Variants in FBXW2 observed in about 807,000 individuals in gnomAD.
FBXW2 encodes F-box/WD repeat-containing protein 2.
In FBXW2, 12 loss-of-function variants were observed where a neutral mutation model predicts 46.0. That is an observed-to-expected ratio of 0.26 (90% CI 0.17 to 0.42). The LOEUF is 0.42. Ranked by LOEUF, FBXW2 falls within the 10% of genes least tolerant of loss-of-function variation. The pLI, the probability that FBXW2 is intolerant of heterozygous loss-of-function variation, is 1.00. For synonymous variants in FBXW2, 203 were observed against 209.6 expected (o/e 0.97, Z 0.27); for missense variants, 360 against 537.0 (o/e 0.67, Z 3.26).
intron 7 of FBXW2, among the ~76,000 whole-genome samples, chr9:120,767,988 C>G (rs748004215): frequency 6.6e-6 from 1 of 152,248 alleles, no homozygotes; most frequent in Non-Finnish European, 1.5e-5. Flanking sequence ...GTTAACCTCA[C>G]ATACAACCTG....
intron 6 of FBXW2, among the ~76,000 whole-genome samples, chr9:120,771,924 T>G (rs1327389563): frequency 6.6e-6 from 1 of 151,682 alleles, no homozygotes; most frequent in Non-Finnish European, 1.5e-5. Flanking sequence ...CCAGGCGTGA[T>G]AGCACACGCC....
At chr9:120,792,068 A>G (rs1316090097) in intron 2 of FBXW2, among the ~76,000 whole-genome samples, 1 of 152,210 alleles carries the variant, frequency 6.6e-6, no homozygotes, top group Non-Finnish European at 1.5e-5. Flanking sequence ...ACCTCATGGA[A>G]GGTATCAGTA....
chr9:120,770,558 T>C (rs2044357910), intron 7 of FBXW2, among the ~76,000 whole-genome samples: 2 of 152,176 alleles, frequency 1.3e-5, no homozygotes. Flanking sequence ...CTCAGACTTA[T>C]TATTAATAAA....
Position 120,764,521 on chromosome 9 carries a change from C to T in FBXW2, c.*38G>A, listed in dbSNP as rs199835030. On this transcript the variant is annotated 3_prime_UTR_variant, in exon 8 of 8. Transcript: ENST00000608872. ...AGGTTGCACCCAAAACCCGCAGCCC[C>T]GGCACCCAAAGTCAGTCAGCGGTGG... The T allele has an allele frequency of 1.4e-3, 2,268 of 1,587,908 alleles. 5 individuals are homozygous for T. Among genetic ancestry groups the T allele is most frequent in the Middle Eastern group, 4.5e-3 (27 of 5,940 alleles).
Position 120,778,391 on chromosome 9 carries a change from G to A in FBXW2, c.645C>T (p.Ser215=), listed in dbSNP as rs200393655. ...DNTVACWEWS[S]GARTQHFRGH... The stretch of plus-strand genomic sequence containing the variant: ...CCCGAAAGTGCTGGGTCCTGGCTCC[G>A]GAACTCCATTCCCAGCAAGCCACAG... Residue 215 remains serine, a synonymous_variant, in exon 4 of 8, where the codon TCC becomes TCT. Coordinates refer to ENST00000608872, the MANE Select transcript of FBXW2 (RefSeq NM_012164.4). 3.1e-5 allele frequency: 50 copies of A among 1,593,520 alleles called. No homozygotes were observed. In the East Asian group the frequency reaches 7.5e-4, roughly 24 times the overall value.
intron 2 of FBXW2, among the ~76,000 whole-genome samples, chr9:120,790,011 C>T (rs758638384): frequency 3.9e-5 from 6 of 152,314 alleles, no homozygotes; most frequent in Middle Eastern, 3.4e-3. Flanking sequence ...CGACTTATCA[C>T]GCAATAACAA....
At chr9:120,782,527 G>C (rs1267130332) in intron 3 of FBXW2, among the ~76,000 whole-genome samples, 1 of 151,196 alleles carries the variant, frequency 6.6e-6, no homozygotes, top group Non-Finnish European at 1.5e-5. Context: ...TGTGGGGGAA[G>C]GGGCATGGGC....
rs545003182 is a variant in FBXW2, at chr9:120,758,110, T to C, written c.*6449A>G. 27 of 152,350 alleles carry C rather than the reference T, an allele frequency of 1.8e-4. No homozygotes were observed. The South Asian group carries it at 5.6e-3, about 32-fold the overall frequency. The allele number at this position is 152,350 out of a possible 1,614,324, so 9.4% of individuals were successfully genotyped here. ...ACTGAGAATCAAGGATGAAAGTTAA[T>C]AGTTGTCTACTGCAAAAGGTACAAC... On this transcript the variant is annotated 3_prime_UTR_variant, in exon 8 of 8. Coordinates refer to ENST00000608872, the MANE Select transcript of FBXW2 (RefSeq NM_012164.4).
chr9:120,770,650 G>C (rs967424470), intron 7 of FBXW2, among the ~76,000 whole-genome samples: 7 of 152,206 alleles, frequency 4.6e-5, no homozygotes, highest in African/African-American at 1.7e-4. Context: ...TTGAGCTACA[G>C]AGGAGTTAAG....
intron 7 of FBXW2, 75 bp from the exon 8 acceptor site, chr9:120,764,922 A>G: frequency 8.3e-7 from 1 of 1,206,836 alleles, no homozygotes. Flanking sequence ...TCTTTTCTGG[A>G]GATATTTAAA....
Position 120,762,362 on chromosome 9 carries a change from A to C in FBXW2, c.*2197T>G, listed in dbSNP as rs1467334013. On this transcript the variant is annotated 3_prime_UTR_variant, in exon 8 of 8. Coordinates refer to ENST00000608872, the MANE Select transcript of FBXW2 (RefSeq NM_012164.4). ...TCTCAAAAAAAAAAAAATAATAATAAAGTAAAAAGTCATTTACCATCATCA... is the reference window on the plus strand; with the variant it reads ...TCTCAAAAAAAAAAAAATAATAATACAGTAAAAAGTCATTTACCATCATCA... 2 of 151,842 alleles carry C rather than the reference A, an allele frequency of 1.3e-5. No homozygotes were observed. The highest frequency in any genetic ancestry group is 3.8e-4 in the East Asian group (2 of 5,204). The allele number at this position is 151,842 out of a possible 1,614,324, so 9.4% of individuals were successfully genotyped here.
chr9:120,785,757 C>T (rs75687117), intron 3 of FBXW2, among the ~76,000 whole-genome samples: 82 of 152,150 alleles, frequency 5.4e-4, no homozygotes, highest in African/African-American at 1.8e-3. Flanking sequence ...GGGCCGGGCA[C>T]GGTGGCTCAC....
chr9:120,775,621 T>A (rs2131321064), intron 5 of FBXW2, among the ~76,000 whole-genome samples: 1 of 152,298 alleles, frequency 6.6e-6, no homozygotes, highest in South Asian at 2.1e-4. Context: ...AAGAAAACAT[T>A]ACAATATTTT....
chr9:120,773,722 G>C (rs1306889998), intron 5 of FBXW2, among the ~76,000 whole-genome samples: 1 of 152,178 alleles, frequency 6.6e-6, no homozygotes, highest in Non-Finnish European at 1.5e-5. Context: ...CAGGCACCTT[G>C]CTGGGTGCTG....
chr9:120,776,844 C>T (rs1029058060), intron 4 of FBXW2, among the ~76,000 whole-genome samples: 1 of 152,168 alleles, frequency 6.6e-6, no homozygotes, highest in African/African-American at 2.4e-5. Context: ...ATTAGGGACC[C>T]AGAGATGAAG....
At chr9:120,777,713 C>A (rs566955683) in intron 4 of FBXW2, among the ~76,000 whole-genome samples, 2 of 149,776 alleles carry the variant, frequency 1.3e-5, no homozygotes, top group Non-Finnish European at 3.0e-5. Flanking sequence ...TCCCCACCCC[C>A]GCCCCCGCCA....
At chr9:120,785,753 G>A (rs964867588) in intron 3 of FBXW2, among the ~76,000 whole-genome samples, 2 of 152,014 alleles carry the variant, frequency 1.3e-5, no homozygotes, top group East Asian at 3.9e-4. Context: ...AATTGGGCCG[G>A]GCACGGTGGC....
At chr9:120,771,548 G>A (rs777255362) in intron 6 of FBXW2, 31 bp from the exon 7 acceptor site, 34 of 1,585,658 alleles carry the variant, frequency 2.1e-5, no homozygotes, top group Non-Finnish European at 2.6e-6. Flanking sequence ...GGAAAGATGA[G>A]AGATCACATC....
In FBXW2 at chr9:120,758,679, A is replaced by T. The variant is rs2044154383; in HGVS notation, c.*5880T>A. 6.6e-6 allele frequency: 1 copy of T among 152,222 alleles called. No homozygotes were observed. The highest frequency in any genetic ancestry group is 1.5e-5 in the Non-Finnish European group (1 of 68,044). The allele number at this position is 152,222 out of a possible 1,614,324, so 9.4% of individuals were successfully genotyped here. A position where few individuals can be genotyped will look rare whatever the true frequency, so the allele number is the denominator to read the frequency against. On this transcript the variant is annotated 3_prime_UTR_variant, in exon 8 of 8. Coordinates refer to ENST00000608872, the MANE Select transcript of FBXW2 (RefSeq NM_012164.4). ...CTTACTATAACTCCTCTAGGCAATG[A>T]ATCACTTTACCAAGCCACAGCTTTC...
Sources: gnomAD v4.1 joint callset for allele counts (sites outside exome capture counted in the v4.1 genomes callset) on GRCh38, gnomAD v4.1.1 for gene constraint, MANE v1.5 for transcripts, NCBI Gene and HGNC (gene_info 2026-07-23, HGNC 2026-07-21) for gene names.